The following WASF2 variants were observed in gnomAD, a reference collection of about 807,000 sequenced individuals.
WASF2 encodes the protein actin-binding protein WASF2.
In WASF2, 14 loss-of-function variants were observed where a neutral mutation model predicts 45.0. The ratio of observed to expected loss-of-function variants is 0.31; its 90% CI spans 0.21 to 0.49. The LOEUF (loss-of-function observed/expected upper bound fraction) is 0.49. WASF2 is among the 20% of genes least tolerant of loss of function. The probability of loss-of-function intolerance (pLI) is 0.99; values close to 1 mark genes in which losing one functional copy is unlikely to be tolerated. For missense variants in WASF2, 439 were observed against 636.1 expected (o/e 0.69, Z 3.33); for synonymous variants, 200 against 236.3 (o/e 0.85, Z 1.41).
intron 2 of WASF2, among the ~76,000 whole-genome samples, chr1:27,424,049 A>G (rs1396451523): frequency 6.6e-6 from 1 of 152,232 alleles, no homozygotes; most frequent in East Asian, 1.9e-4. Flanking sequence ...CGAAATGCCA[A>G]TCTCACTATT....
intron 1 of WASF2, among the ~76,000 whole-genome samples, chr1:27,463,169 G>C (rs2017569794): frequency 6.6e-6 from 1 of 152,158 alleles, no homozygotes; most frequent in Non-Finnish European, 1.5e-5. Context: ...AAAACTGTCA[G>C]ATAATGGAAA....
chr1:27,432,796 C>T (rs2017084456), intron 1 of WASF2, among the ~76,000 whole-genome samples: 1 of 152,096 alleles, frequency 6.6e-6, no homozygotes. Context: ...CCAGGCCTCA[C>T]TCTGTTGCCC....
rs2148095437 is a variant in WASF2 at position 27,408,262 on chromosome 1, C to T, written c.1424G>A (p.Arg475His). The change falls in exon 9 of 9, where the codon CGT becomes CAT. Residue 475 changes from arginine to histidine, a missense_variant. This residue lies in a region of WASF2 where 286 missense variants were observed against 373.5 expected (regional missense o/e 0.77). Coordinates refer to ENST00000618852, the MANE Select transcript of WASF2 (RefSeq NM_006990.5). Reference protein sequence around the residue: ...VGNDVATILSRRIAVEYSDSE... With the variant: ...VGNDVATILSHRIAVEYSDSE... ...GTCACTGTACTCAACAGCAATGCGA[C>T]GAGACAAGATGGTGGCCACGTCATT... 1 of 1,614,180 alleles carries T rather than the reference C, an allele frequency of 6.2e-7. No individual in the cohort carries two copies. Among genetic ancestry groups the T allele is most frequent in the South Asian group, 1.1e-5 (1 of 91,082 alleles).
At chr1:27,454,158 T>C (rs1487039939) in intron 1 of WASF2, among the ~76,000 whole-genome samples, 2 of 92,146 alleles carry the variant, frequency 2.2e-5, no homozygotes, top group African/African-American at 9.6e-5. Flanking sequence ...TGTGTGTATA[T>C]ATATATATAT....
chr1:27,422,618 CAAAA>C (rs782035111), intron 2 of WASF2, among the ~76,000 whole-genome samples: 1 of 128,852 alleles, frequency 7.8e-6, no homozygotes. Context: ...GACTCCGTCT[CAAAA>C]AAAAAAAAAA....
intron 1 of WASF2, among the ~76,000 whole-genome samples, chr1:27,453,180 G>C (rs2017409113): frequency 6.6e-6 from 1 of 151,974 alleles, no homozygotes; most frequent in Admixed American, 6.6e-5. Context: ...ACTCCAGCCT[G>C]AGTGACAGAA....
At chr1:27,433,446 G>A (rs935126521) in intron 1 of WASF2, among the ~76,000 whole-genome samples, 3 of 152,208 alleles carry the variant, frequency 2.0e-5, no homozygotes, top group African/African-American at 4.8e-5. Flanking sequence ...GTTGAGAAAG[G>A]CTCCTCTATC....
intron 2 of WASF2, among the ~76,000 whole-genome samples, chr1:27,425,001 G>A (rs1486919278): frequency 6.6e-6 from 1 of 152,232 alleles, no homozygotes; most frequent in Non-Finnish European, 1.5e-5. Flanking sequence ...AGTGGGGATA[G>A]CAAGAGCACT....
chr1:27,416,671 G>T (rs879232700), intron 4 of WASF2, among the ~76,000 whole-genome samples: 2 of 152,212 alleles, frequency 1.3e-5, no homozygotes, highest in Admixed American at 1.3e-4. Flanking sequence ...CTCCCTTCTA[G>T]AACAGCTCAG....
chr1:27,476,618 T>A (rs1227420523), intron 1 of WASF2, among the ~76,000 whole-genome samples: 2 of 151,838 alleles, frequency 1.3e-5, no homozygotes, highest in Admixed American at 6.6e-5. Flanking sequence ...CAGAGGCTTC[T>A]GAAAAGAGCA....
At chr1:27,462,115 C>T (rs1314494134) in intron 1 of WASF2, among the ~76,000 whole-genome samples, 2 of 151,612 alleles carry the variant, frequency 1.3e-5, no homozygotes, top group African/African-American at 4.8e-5. Flanking sequence ...GTAGCTGGGA[C>T]TAAAGGCACA....
intron 1 of WASF2, among the ~76,000 whole-genome samples, chr1:27,458,617 A>G (rs187000519): frequency 1.4e-5 from 2 of 148,084 alleles, no homozygotes; most frequent in Non-Finnish European, 1.5e-5. Flanking sequence ...CAACATGGTG[A>G]AAAACCGTCT....
At chr1:27,474,130 G>C (rs1188031669) in intron 1 of WASF2, among the ~76,000 whole-genome samples, 1 of 152,130 alleles carries the variant, frequency 6.6e-6, no homozygotes, top group Non-Finnish European at 1.5e-5. Context: ...ACGCAATGAA[G>C]GTGAACAAAA....
intron 2 of WASF2, among the ~76,000 whole-genome samples, chr1:27,423,601 T>C (rs895684251): frequency 2.6e-5 from 4 of 152,236 alleles, no homozygotes; most frequent in Non-Finnish European, 5.9e-5. Context: ...AGAAGTGTGA[T>C]ACTGAACTAG....
intron 1 of WASF2, among the ~76,000 whole-genome samples, chr1:27,459,944 TC>T (rs2017522525): frequency 6.6e-6 from 1 of 152,200 alleles, no homozygotes; most frequent in African/African-American, 2.4e-5. Context: ...AAGGACAACC[TC>T]TAATTGGACG....
At chr1:27,454,187 A>ATATTTTTTT (rs1469446976) in intron 1 of WASF2, among the ~76,000 whole-genome samples, 5 of 12,774 alleles carry the variant, frequency 3.9e-4, no homozygotes, top group East Asian at 2.2e-3. Flanking sequence ...ATATATATAT[A>ATATTTTTTT]TTTTTTTTTT....
chr1:27,471,073 G>A (rs1015856439), intron 1 of WASF2, among the ~76,000 whole-genome samples: 21 of 152,202 alleles, frequency 1.4e-4, no homozygotes, highest in African/African-American at 4.1e-4. Flanking sequence ...GGCCGGGCGC[G>A]GTGGCTCACG....
chr1:27,476,835 AG>A (rs1227772698), intron 1 of WASF2, among the ~76,000 whole-genome samples: 1 of 152,236 alleles, frequency 6.6e-6, no homozygotes, highest in Non-Finnish European at 1.5e-5. Context: ...AGCAACACAT[AG>A]AAGTACAATG....
intron 1 of WASF2, among the ~76,000 whole-genome samples, chr1:27,469,295 A>G (rs1457770321): frequency 6.6e-6 from 1 of 152,194 alleles, no homozygotes; most frequent in Admixed American, 6.5e-5. Flanking sequence ...AGGCCTCACT[A>G]TATCACCCTC....
Sources: gnomAD v4.1 joint callset for allele counts (sites outside exome capture counted in the v4.1 genomes callset) on GRCh38, gnomAD v4.1.1 for gene constraint, gnomAD v4.1.1 regional missense constraint, MANE v1.5 for transcripts, NCBI Gene and HGNC (gene_info 2026-07-23, HGNC 2026-07-21) for gene names.